MEGF11: variants seen among roughly 807,000 people sequenced by gnomAD.
The protein encoded by MEGF11 is multiple epidermal growth factor-like domains protein 11.
In MEGF11, 126 loss-of-function variants were observed where a neutral mutation model predicts 146.6. That is an observed-to-expected ratio of 0.86 (90% CI 0.74 to 1.00). The LOEUF (loss-of-function observed/expected upper bound fraction) is 1.00, where lower values mean the gene tolerates loss of function less well. Among genes scored for constraint, MEGF11 ranks in the 50% least tolerant of loss-of-function variants. The pLI is 0.00. For missense variants in MEGF11, 1,509 were observed against 1,521.2 expected (o/e 0.99, Z 0.13); for synonymous variants, 532 against 583.4 (o/e 0.91, Z 1.27).
intron 5 of MEGF11, among the ~76,000 whole-genome samples, chr15:66,008,405 G>GCACACACACA (rs1282488263): frequency 2.8e-4 from 5 of 18,110 alleles, no homozygotes; most frequent in Admixed American, 2.4e-3. Context: ...ATGCACACGC[G>GCACACACACA]CGCGCGCACA....
chr15:66,076,915 G>A (rs879301678), intron 5 of MEGF11, among the ~76,000 whole-genome samples: 9 of 152,228 alleles, frequency 5.9e-5, no homozygotes, highest in Non-Finnish European at 1.2e-4. Context: ...AGAGGGACTG[G>A]CTGGGGCTCC....
chr15:66,044,087 G>A (rs976981584), intron 5 of MEGF11, among the ~76,000 whole-genome samples: 17 of 152,256 alleles, frequency 1.1e-4, no homozygotes, highest in African/African-American at 4.1e-4. Context: ...CAGTGATCTG[G>A]GTCTAATCTG....
chr15:65,920,482 A>G (rs904424132), intron 15 of MEGF11, among the ~76,000 whole-genome samples: 5 of 152,200 alleles, frequency 3.3e-5, no homozygotes, highest in Admixed American at 6.5e-5. Flanking sequence ...CCTACCCCCA[A>G]AATGAACTCT....
At chr15:66,041,073 A>C (rs1489749831) in intron 5 of MEGF11, among the ~76,000 whole-genome samples, 1 of 152,198 alleles carries the variant, frequency 6.6e-6, no homozygotes, top group African/African-American at 2.4e-5. Context: ...AACATAAGCA[A>C]GAATCCATGA....
At chr15:65,955,046 C>T (rs1465418300) in intron 10 of MEGF11, among the ~76,000 whole-genome samples, 2 of 152,194 alleles carry the variant, frequency 1.3e-5, no homozygotes, top group African/African-American at 2.4e-5. Flanking sequence ...AGTGGACCAT[C>T]TTAGAAGTTA....
At chr15:66,043,027 A>G (rs2084049830) in intron 5 of MEGF11, among the ~76,000 whole-genome samples, 1 of 152,228 alleles carries the variant, frequency 6.6e-6, no homozygotes, top group East Asian at 1.9e-4. Context: ...ATCCTTCCGA[A>G]TCAGGGACCC....
intron 10 of MEGF11, among the ~76,000 whole-genome samples, chr15:65,950,883 G>C (rs1255440986): frequency 6.6e-6 from 1 of 152,248 alleles, no homozygotes. Context: ...CCAACAGGTA[G>C]AGTCAAGTCC....
chr15:66,090,647 C>T (rs955008314), intron 5 of MEGF11, among the ~76,000 whole-genome samples: 4 of 152,314 alleles, frequency 2.6e-5, no homozygotes, highest in East Asian at 1.9e-4. Context: ...GCAGGCCCCA[C>T]GAATCTTGGA....
chr15:66,047,729 A>C (rs1457279745), intron 5 of MEGF11, among the ~76,000 whole-genome samples: 1 of 152,208 alleles, frequency 6.6e-6, no homozygotes, highest in Non-Finnish European at 1.5e-5. Context: ...CAGGAGGCCC[A>C]GTGGGCCTGG....
At chr15:66,201,164 G>A (rs886472044) in intron 1 of MEGF11, among the ~76,000 whole-genome samples, 40 of 151,986 alleles carry the variant, frequency 2.6e-4, no homozygotes, top group Non-Finnish European at 2.2e-4. Flanking sequence ...ATTAGGTCCC[G>A]TAATTCCGCA....
intron 1 of MEGF11, among the ~76,000 whole-genome samples, chr15:66,156,752 AC>A (rs1251751166): frequency 6.6e-6 from 1 of 152,124 alleles, no homozygotes. Context: ...TCACAGCTGC[AC>A]CATCTCTGGG....
At position 65,982,418 on chromosome 15, in the gene MEGF11, G is replaced by A; in HGVS notation, c.465C>T (p.Asn155=). 6.6e-7 allele frequency: 1 copy of A among 1,510,638 alleles called. No homozygotes were observed. The highest frequency in any genetic ancestry group is 8.9e-7 in the Non-Finnish European group (1 of 1,128,270). 93.6% of individuals were successfully genotyped at this position (1,510,638 alleles called of 1,614,324 possible). ...CGCACACGCAGGCGCCTGTGATGGG[G>A]TTACACAGGGCGCCGTTCTGGCACT... ...RCQCQNGALC[N]PITGACVCAA... Residue 155 remains asparagine, a synonymous_variant, in exon 6 of 26, where the codon AAC becomes AAT. Coordinates refer to ENST00000395614, the MANE Select transcript of MEGF11 (RefSeq NM_001385028.1). This position sits in a 1 kb window ranked among gnomAD's most constrained non-coding sequence, Gnocchi z 5.6.
chr15:66,122,789 G>GTTTTGT (rs756181911), intron 3 of MEGF11, among the ~76,000 whole-genome samples: 1 of 151,604 alleles, frequency 6.6e-6, no homozygotes, highest in Non-Finnish European at 1.5e-5. Context: ...GTTTTGTTTT[G>GTTTTGT]TTTTTTTGAG....
At chr15:65,898,463 G>A in intron 25 of MEGF11, 1 of 984,060 alleles carries the variant, frequency 1.0e-6, no homozygotes, top group Non-Finnish European at 1.2e-6. Flanking sequence ...GTGCGCGCGT[G>A]CACGTGCATG....
At chr15:66,090,073 T>C (rs1036550555) in intron 5 of MEGF11, among the ~76,000 whole-genome samples, 4 of 152,208 alleles carry the variant, frequency 2.6e-5, no homozygotes, top group Non-Finnish European at 5.9e-5. Context: ...TCTTCCTTTA[T>C]GGAGCAGAAA....
At chr15:65,956,296 C>T (rs934907107) in intron 10 of MEGF11, among the ~76,000 whole-genome samples, 1 of 152,218 alleles carries the variant, frequency 6.6e-6, no homozygotes, top group Non-Finnish European at 1.5e-5. Flanking sequence ...AATGCAGAAC[C>T]TCAGGCCCCA....
chr15:65,948,116 A>G (rs1173227668), intron 10 of MEGF11, among the ~76,000 whole-genome samples: 1 of 149,414 alleles, frequency 6.7e-6, no homozygotes, highest in Non-Finnish European at 1.5e-5. Context: ...TTGTGCCCCC[A>G]CCGACCTGCC....
intron 24 of MEGF11, among the ~76,000 whole-genome samples, chr15:65,900,704 T>A (rs1019516278): frequency 6.6e-5 from 10 of 152,222 alleles, no homozygotes; most frequent in African/African-American, 2.4e-4. Flanking sequence ...TCACACTGCT[T>A]ATCACTAGCA....
intron 1 of MEGF11, among the ~76,000 whole-genome samples, chr15:66,200,045 A>G (rs2091112423): frequency 6.6e-6 from 1 of 152,278 alleles, no homozygotes; most frequent in Admixed American, 6.5e-5. Flanking sequence ...ATCTATATAC[A>G]AATCTGTATA....
Sources: gnomAD v4.1 joint callset for allele counts (sites outside exome capture counted in the v4.1 genomes callset) on GRCh38, gnomAD v4.1.1 for gene constraint, Gnocchi (gnomAD v3.1) non-coding constraint, MANE v1.5 for transcripts, NCBI Gene and HGNC (gene_info 2026-07-23, HGNC 2026-07-21) for gene names.